The following KCNT1 variants were observed in gnomAD, a reference collection of about 807,000 sequenced individuals.
The protein encoded by KCNT1 is potassium sodium-activated channel subfamily T member 1.
Under a neutral mutation model 147.8 loss-of-function variants are expected in KCNT1, and 78 were observed. The ratio of observed to expected loss-of-function variants is 0.53; its 90% CI spans 0.44 to 0.64. KCNT1 has a LOEUF of 0.64. Ranked by LOEUF, KCNT1 falls within the 30% of genes least tolerant of loss-of-function variation. KCNT1 has a pLI of 0.00. For missense variants in KCNT1, 1,419 were observed against 1,750.3 expected (o/e 0.81, Z 3.38); for synonymous variants, 867 against 748.8 (o/e 1.16, Z -2.58).
intron 28 of KCNT1, chr9:135,785,856 G>A (rs1197563060): frequency 6.6e-6 from 3 of 453,210 alleles, no homozygotes; most frequent in Non-Finnish European, 1.2e-5. Context: ...GCCAGGATGT[G>A]CTGGGGTCCA....
At chr9:135,785,052 T>C (rs1239025753) in intron 27 of KCNT1, among the ~76,000 whole-genome samples, 163 bp downstream of exon 27, 2 of 152,192 alleles carry the variant, frequency 1.3e-5, no homozygotes, top group Non-Finnish European at 2.9e-5. Flanking sequence ...AGCTTTGCTA[T>C]TGCTGGCAGC....
intron 13 of KCNT1, among the ~76,000 whole-genome samples, chr9:135,767,843 G>A (rs2131489824): frequency 6.6e-6 from 1 of 152,174 alleles, no homozygotes; most frequent in Non-Finnish European, 1.5e-5. Context: ...ACAGGGCCTG[G>A]GGGAGGAAGG....
intron 1 of KCNT1, among the ~76,000 whole-genome samples, chr9:135,713,869 G>A (rs1444222566): frequency 6.6e-6 from 1 of 152,178 alleles, no homozygotes; most frequent in African/African-American, 2.4e-5. Context: ...CACTCTACCT[G>A]GTGTGCCACG....
intron 24 of KCNT1, among the ~76,000 whole-genome samples, chr9:135,783,484 C>T (rs1180116389): frequency 6.6e-6 from 1 of 152,216 alleles, no homozygotes; most frequent in East Asian, 1.9e-4. Flanking sequence ...AGAGAGGAGA[C>T]AGGTGTCGTT....
In KCNT1 at chr9:135,714,330, C is replaced by G. The variant is rs1588254801; in HGVS notation, c.111-247C>G. 6.6e-6 allele frequency: 1 copy of G among 151,788 alleles called. No homozygotes were observed. The highest frequency in any genetic ancestry group is 2.4e-5 in the African/African-American group (1 of 41,326). 9.4% of individuals were successfully genotyped at this position (151,788 alleles called of 1,614,324 possible). ...CTTACCTCCTGCCAGGCCCCGGGGC[C>G]GCTTTGGAGGGAGCCCCGCCCCCTG... On this transcript the variant is annotated intron_variant, in intron 1 of 30. Transcript: ENST00000371757. The surrounding 1 kb of genome is among the most constrained non-coding windows in gnomAD (Gnocchi z 6.2).
intron 1 of KCNT1, among the ~76,000 whole-genome samples, chr9:135,711,245 C>T (rs1730774299): frequency 6.6e-6 from 1 of 152,202 alleles, no homozygotes; most frequent in Admixed American, 6.5e-5. Context: ...GCGGGAGAAG[C>T]TTGTCTTTAA....
rs369343848 is a variant in KCNT1, at chr9:135,730,727, T to C, written c.254+16007T>C. Reference sequence around the variant, plus strand: ...TTGGCCGGGTACGGTGGCTCACACCTGAAATCTCAGCACTTTGGGAGGCCA... The same window carrying C: ...TTGGCCGGGTACGGTGGCTCACACCCGAAATCTCAGCACTTTGGGAGGCCA... On this transcript the variant is annotated intron_variant, in intron 2 of 30. Coordinates refer to ENST00000371757, the MANE Select transcript of KCNT1 (RefSeq NM_020822.3). The surrounding 1 kb of genome is among the most constrained non-coding windows in gnomAD (Gnocchi z 4.7). Among the ~76,000 whole-genome samples, 128 of 152,302 alleles carry C rather than the reference T, an allele frequency of 8.4e-4. 2 individuals are homozygous for C. In the East Asian group the frequency reaches 0.019, roughly 23 times the overall value.
At chr9:135,703,923 C>CA (rs1434138828) in intron 1 of KCNT1, among the ~76,000 whole-genome samples, 1 of 152,254 alleles carries the variant, frequency 6.6e-6, no homozygotes, top group African/African-American at 2.4e-5. Flanking sequence ...TCCGTTGCAA[C>CA]AGAGATTCCC....
At chr9:135,781,414 C>T (rs937991871) in intron 24 of KCNT1, among the ~76,000 whole-genome samples, 1 of 152,136 alleles carries the variant, frequency 6.6e-6, no homozygotes, top group African/African-American at 2.4e-5. Flanking sequence ...GCCTCCCCAG[C>T]ATGCAAGGAG....
intron 21 of KCNT1, among the ~76,000 whole-genome samples, chr9:135,778,033 T>G (rs1833309218): frequency 6.7e-6 from 1 of 150,166 alleles, no homozygotes; most frequent in Non-Finnish European, 1.5e-5. Flanking sequence ...TGGTCCTCTC[T>G]CCCCCTTTCC....
Position 135,759,713 on chromosome 9 carries a change from G to A in KCNT1, c.889G>A (p.Glu297Lys), listed in dbSNP as rs146070496. The A allele has an allele frequency of 4.8e-5, 78 of 1,612,722 alleles. No homozygotes were observed. The highest frequency in any genetic ancestry group is 6.4e-5 in the Non-Finnish European group (75 of 1,179,474). ...CGIQHLERAG[E>K]NLSLLTSFYF... Reference sequence around the variant, plus strand: ...CATCCAGCACCTGGAGCGGGCGGGCGAGAACCTGTCCCTCCTGACCTCCTT... The same window carrying A: ...CATCCAGCACCTGGAGCGGGCGGGCAAGAACCTGTCCCTCCTGACCTCCTT... Residue 297 changes from glutamate (E) to lysine (K), a missense_variant, in exon 11 of 31, where the codon GAG (glutamate) becomes AAG (lysine). Coordinates refer to ENST00000371757, the MANE Select transcript of KCNT1 (RefSeq NM_020822.3).
chr9:135,782,249 T>G (rs1309236570), intron 24 of KCNT1, among the ~76,000 whole-genome samples: 1 of 152,174 alleles, frequency 6.6e-6, no homozygotes, highest in East Asian at 1.9e-4. Context: ...AGGATGCTGC[T>G]GGTGGGGTGA....
chr9:135,759,982 G>A, intron 11 of KCNT1, 123 bp downstream of exon 11: 1 of 929,830 alleles, frequency 1.1e-6, no homozygotes, highest in Non-Finnish European at 1.5e-6. Context: ...GGGACAGTGA[G>A]GCCAGGCGGG....
intron 1 of KCNT1, 59 bp downstream of exon 1, chr9:135,702,427 A>C: frequency 7.3e-7 from 1 of 1,364,584 alleles, no homozygotes; most frequent in Non-Finnish European, 1.0e-6. Context: ...AAGACCCCCA[A>C]GTTCCCCCTC....
In KCNT1 at chr9:135,725,113, C is replaced by T. The variant is rs185746846; in HGVS notation, c.254+10393C>T. Among the ~76,000 whole-genome samples the T allele has an allele frequency of 3.0e-3, 460 of 152,298 alleles. 2 individuals carry two copies. Among genetic ancestry groups the T allele is most frequent in the Non-Finnish European group, 5.1e-3 (349 of 68,018 alleles). On this transcript the variant is annotated intron_variant, in intron 2 of 30. Transcript: ENST00000371757. ...CCAGGATCCCTTGGTGGCTCAATGGCCCAACCGCCTCCCTGCACAGACAGG... is the reference window on the plus strand; with the variant it reads ...CCAGGATCCCTTGGTGGCTCAATGGTCCAACCGCCTCCCTGCACAGACAGG...
At chr9:135,707,264 C>T (rs748370852) in intron 1 of KCNT1, among the ~76,000 whole-genome samples, 12 of 152,152 alleles carry the variant, frequency 7.9e-5, no homozygotes, top group Admixed American at 7.9e-4. Context: ...ATGGTGGTGC[C>T]TCCCATAGCT....
rs371497817 is a variant in KCNT1, at chr9:135,758,529, T to C, written c.854+21T>C. ...ACGGGGTGAGTGCCGGCCGTCAGTG[T>C]GAGCACCCCAGGACGTTGGGAGGGC... On this transcript the variant is annotated intron_variant, in intron 10 of 30. Transcript: ENST00000371757. The C allele has an allele frequency of 1.9e-6, 3 of 1,601,500 alleles. No homozygotes were observed. The East Asian group carries it at 6.7e-5, about 36-fold the overall frequency.
At chr9:135,787,203 G>A (rs571983589) in intron 29 of KCNT1, among the ~76,000 whole-genome samples, 28 of 152,328 alleles carry the variant, frequency 1.8e-4, no homozygotes, top group African/African-American at 5.3e-4. Flanking sequence ...CAGGGAGCCC[G>A]GCGTCCGTCT....
intron 21 of KCNT1, among the ~76,000 whole-genome samples, 156 bp downstream of exon 21, chr9:135,777,666 CT>C (rs1291853186): frequency 6.6e-6 from 1 of 152,050 alleles, no homozygotes; most frequent in East Asian, 1.9e-4. Flanking sequence ...AAGGGGGACT[CT>C]CCTTCCTGCT....
Sources: gnomAD v4.1 joint callset for allele counts (sites outside exome capture counted in the v4.1 genomes callset) on GRCh38, gnomAD v4.1.1 for gene constraint, Gnocchi (gnomAD v3.1) non-coding constraint, MANE v1.5 for transcripts, NCBI Gene and HGNC (gene_info 2026-07-23, HGNC 2026-07-21) for gene names.